Variants in AIG1 observed in about 807,000 individuals in gnomAD.
AIG1 encodes the protein androgen-induced gene 1 protein.
AIG1 carries 23 observed loss-of-function variants against 31.4 expected under a neutral mutation model. The ratio of observed to expected loss-of-function variants is 0.73; its 90% confidence interval spans 0.53 to 1.04. The LOEUF is 1.04. Among genes scored for constraint, AIG1 ranks in the 50% least tolerant of loss-of-function variants. AIG1 has a pLI of 0.00. For synonymous variants in AIG1, 100 were observed against 110.5 expected, an observed-to-expected ratio of 0.90 and a Z score of 0.60; for missense variants, 274 against 295.0, an observed-to-expected ratio of 0.93 and a Z score of 0.52.
At position 143,136,829 on chromosome 6, in the gene AIG1, C is replaced by T; in HGVS notation, c.142-6C>T. On this transcript the variant is annotated splice_region_variant and splice_polypyrimidine_tract_variant and intron_variant, in intron 1 of 5. Coordinates refer to ENST00000357847, the MANE Select transcript of AIG1 (RefSeq NM_016108.4). ...ATGACTCATACCGGCTGTTGTCCCC[C>T]TACAGGTTATCCAGGCTGTCTTTTT... The T allele has an allele frequency of 7.1e-7, 1 of 1,404,362 alleles. No homozygotes were observed. The highest frequency in any genetic ancestry group is 9.4e-7 in the Non-Finnish European group (1 of 1,061,574). The allele number at this position is 1,404,362 out of a possible 1,614,324, so 87.0% of individuals were successfully genotyped here.
At chr6:143,161,306 A>G (rs1190084832) in intron 2 of AIG1, among the ~76,000 whole-genome samples, 1 of 152,168 alleles carries the variant, frequency 6.6e-6, no homozygotes, top group East Asian at 1.9e-4. Context: ...TCAATTGCAT[A>G]AGGAATAAAT....
chr6:143,286,826 A>G (rs1274416809), intron 4 of AIG1, among the ~76,000 whole-genome samples: 1 of 152,008 alleles, frequency 6.6e-6, no homozygotes, highest in Non-Finnish European at 1.5e-5. Context: ...CTAACTTGCT[A>G]TCCAGTGGCC....
chr6:143,076,939 G>T (rs1777789023), intron 1 of AIG1, among the ~76,000 whole-genome samples: 1 of 152,080 alleles, frequency 6.6e-6, no homozygotes, highest in African/African-American at 2.4e-5. Context: ...CCAAAGTGCT[G>T]GGATTACAGG....
In AIG1 at chr6:143,328,528, T is replaced by C. The variant is rs1242471610; in HGVS notation, c.516-4754T>C. On this transcript the variant is annotated intron_variant, in intron 4 of 5. Coordinates refer to ENST00000357847, the MANE Select transcript of AIG1 (RefSeq NM_016108.4). The surrounding 1 kb of genome is among the most constrained non-coding windows in gnomAD (Gnocchi z 4.0). Reference sequence around the variant, plus strand: ...ACCCTTTCTTAATTCTGACTACACTTGTAATTCTTAATTATCTGTGTTTCT... The same window carrying C: ...ACCCTTTCTTAATTCTGACTACACTCGTAATTCTTAATTATCTGTGTTTCT... Among the ~76,000 whole-genome samples, 1 of 152,230 alleles carries C rather than the reference T, an allele frequency of 6.6e-6. No individual in the cohort carries two copies. The highest frequency in any genetic ancestry group is 1.5e-5 in the Non-Finnish European group (1 of 68,032).
intron 1 of AIG1, among the ~76,000 whole-genome samples, chr6:143,105,313 G>A (rs940999747): frequency 1.4e-4 from 22 of 152,182 alleles, no homozygotes; most frequent in Non-Finnish European, 2.6e-4. Context: ...CCTCAGAAGC[G>A]GGTGTGAGTA....
intron 4 of AIG1, among the ~76,000 whole-genome samples, chr6:143,311,178 A>G (rs1775244046): frequency 6.6e-6 from 1 of 151,948 alleles, no homozygotes; most frequent in African/African-American, 2.4e-5. Flanking sequence ...TCTCTCATGA[A>G]CATAGATGCA....
At chr6:143,307,708 G>A (rs1799437768) in intron 4 of AIG1, among the ~76,000 whole-genome samples, 1 of 152,186 alleles carries the variant, frequency 6.6e-6, no homozygotes, top group Non-Finnish European at 1.5e-5. Context: ...CTGCGTGCTG[G>A]GAGAACCACT....
chr6:143,311,340 C>T (rs1775257280), intron 4 of AIG1, among the ~76,000 whole-genome samples: 1 of 151,826 alleles, frequency 6.6e-6, no homozygotes, highest in Non-Finnish European at 1.5e-5. Context: ...CTGACTTGAT[C>T]ATGCATCAAG....
rs986333525 is a variant in AIG1, at chr6:143,298,191, T to C, written c.515+13966T>C. On this transcript the variant is annotated intron_variant, in intron 4 of 5. Transcript: ENST00000357847. This position sits in a 1 kb window ranked among gnomAD's most constrained non-coding sequence, Gnocchi z 5.1. ...ATTCATTCATAAATTCTTGCCAGCC[T>C]CTGGAGAAATCCAGGAATTGTCATT... is the stretch of plus-strand genomic sequence containing the variant. Among the ~76,000 whole-genome samples, 2 of 152,170 alleles carry C rather than the reference T, an allele frequency of 1.3e-5. No individual in the cohort carries two copies. Among genetic ancestry groups the C allele is most frequent in the African/African-American group, 2.4e-5 (1 of 41,430 alleles).
chr6:143,202,092 C>T (rs549037941), intron 3 of AIG1, among the ~76,000 whole-genome samples: 1 of 152,320 alleles, frequency 6.6e-6, no homozygotes. Context: ...CAAGTCTACT[C>T]TTACCAACTC....
chr6:143,302,914 A>G (rs995556716), intron 4 of AIG1, among the ~76,000 whole-genome samples: 1 of 152,136 alleles, frequency 6.6e-6, no homozygotes, highest in Admixed American at 6.5e-5. Flanking sequence ...AATGATTGCC[A>G]TTCTAACTGG....
intron 3 of AIG1, chr6:143,190,154 T>C (rs1035658806): frequency 1.0e-6 from 1 of 984,114 alleles, no homozygotes; most frequent in African/African-American, 1.7e-5. Flanking sequence ...AACATATGAA[T>C]TTTGAGGGGA....
chr6:143,318,560 A>G (rs1353604247), intron 4 of AIG1, among the ~76,000 whole-genome samples: 2 of 152,186 alleles, frequency 1.3e-5, no homozygotes, highest in Non-Finnish European at 2.9e-5. Flanking sequence ...ATCCTTCTAG[A>G]TATTAGCTTA....
intron 4 of AIG1, among the ~76,000 whole-genome samples, chr6:143,301,543 G>A (rs992763023): frequency 6.6e-6 from 1 of 152,152 alleles, no homozygotes; most frequent in Admixed American, 6.5e-5. Flanking sequence ...GCAGCACTGC[G>A]GAGGCCTCAG....
In AIG1 at chr6:143,327,498, C is replaced by A; in HGVS notation, c.516-5784C>A. The A allele has an allele frequency of 2.6e-6, 1 of 382,964 alleles. No homozygotes were observed. The allele number at this position is 382,964 out of a possible 1,614,324, so 23.7% of individuals were successfully genotyped here. A position where few individuals can be genotyped will look rare whatever the true frequency, so the allele number is the denominator to read the frequency against. On this transcript the variant is annotated intron_variant, in intron 4 of 5. Transcript: ENST00000357847. This position sits in a 1 kb window ranked among gnomAD's most constrained non-coding sequence, Gnocchi z 5.3. ...ACCAGGCCCAACAAAACTGTCTGGG[C>A]CAAAGGAATAAGGAATGTCCCATAC...
At chr6:143,122,966 C>T (rs866370112) in intron 1 of AIG1, among the ~76,000 whole-genome samples, 10 of 152,146 alleles carry the variant, frequency 6.6e-5, no homozygotes, top group African/African-American at 1.7e-4. Flanking sequence ...CTCAGTGCCC[C>T]AGTGTCTTGT....
In AIG1 at chr6:143,256,106, A is replaced by G. The variant is rs1277496645; in HGVS notation, c.400-28004A>G. Among the ~76,000 whole-genome samples, 2 of 152,204 alleles carry G rather than the reference A, an allele frequency of 1.3e-5. No homozygotes were observed. The highest frequency in any genetic ancestry group is 4.8e-5 in the African/African-American group (2 of 41,458). Reference sequence around the variant, plus strand: ...TTTATAAATCAAATTTCTGAGCTAGATAAACAGAATCCAAATTCAAAAGTA... The same window carrying G: ...TTTATAAATCAAATTTCTGAGCTAGGTAAACAGAATCCAAATTCAAAAGTA... On this transcript the variant is annotated intron_variant, in intron 3 of 5. Transcript: ENST00000357847. This position sits in a 1 kb window ranked among gnomAD's most constrained non-coding sequence, Gnocchi z 4.6.
At chr6:143,262,313 T>C (rs1292189078) in intron 3 of AIG1, among the ~76,000 whole-genome samples, 1 of 152,228 alleles carries the variant, frequency 6.6e-6, no homozygotes, top group African/African-American at 2.4e-5. Context: ...AGGTACTTTT[T>C]TCTCCAGAAA....
At chr6:143,194,447 A>G (rs1008945628) in intron 3 of AIG1, among the ~76,000 whole-genome samples, 1 of 152,230 alleles carries the variant, frequency 6.6e-6, no homozygotes, top group Non-Finnish European at 1.5e-5. Flanking sequence ...GTGGGGACAC[A>G]GAGCCAAACC....
Sources: gnomAD v4.1 joint callset for allele counts (sites outside exome capture counted in the v4.1 genomes callset) on GRCh38, gnomAD v4.1.1 for gene constraint, Gnocchi (gnomAD v3.1) non-coding constraint, MANE v1.5 for transcripts, NCBI Gene and HGNC (gene_info 2026-07-23, HGNC 2026-07-21) for gene names.